WFDC1: variants seen among roughly 807,000 people sequenced by gnomAD.
WFDC1 encodes the protein WAP four-disulfide core domain protein 1.
Under a neutral mutation model 32.9 loss-of-function variants are expected in WFDC1, and 39 were observed. That is an observed-to-expected ratio of 1.19 (90% CI 0.92 to 1.55). WFDC1 has a LOEUF of 1.55. Among genes scored for constraint, WFDC1 ranks in the 40% most tolerant of loss-of-function variants. The pLI is 0.00. For missense variants in WFDC1, 386 were observed against 309.5 expected, an observed-to-expected ratio of 1.25 and a Z score of -1.85; for synonymous variants, 184 against 137.4, an observed-to-expected ratio of 1.34 and a Z score of -2.37.
intron 3 of WFDC1, 136 bp from the exon 4 acceptor site, chr16:84,319,295 G>C (rs1253433252): frequency 8.2e-7 from 1 of 1,222,166 alleles, no homozygotes; most frequent in African/African-American, 1.5e-5. Flanking sequence ...TGGAACCTGG[G>C]GTACAGAGGC....
chr16:84,319,672 C>A, intron 4 of WFDC1, 101 bp downstream of exon 4: 1 of 1,489,548 alleles, frequency 6.7e-7, no homozygotes, highest in Non-Finnish European at 9.0e-7. Flanking sequence ...AGGAAGCAGC[C>A]CCAGCACCTG....
chr16:84,321,023 G>A (rs1908275708), intron 4 of WFDC1, among the ~76,000 whole-genome samples: 1 of 152,200 alleles, frequency 6.6e-6, no homozygotes, highest in Admixed American at 6.5e-5. Context: ...AAAAGGCTTT[G>A]AAACAAAGAG....
chr16:84,325,768 A>G (rs1908556438), intron 5 of WFDC1: 1 of 151,542 alleles, frequency 6.6e-6, no homozygotes, highest in African/African-American at 2.4e-5. Flanking sequence ...CTACCCATCT[A>G]TTATTTTATC....
At chr16:84,319,647 T>C (rs1017869246) in intron 4 of WFDC1, 76 bp downstream of exon 4, 5 of 1,550,556 alleles carry the variant, frequency 3.2e-6, no homozygotes, top group Non-Finnish European at 1.7e-6. Context: ...CTCACCCGCA[T>C]GGACGACCTG....
chr16:84,319,684 G>C, intron 4 of WFDC1, 113 bp downstream of exon 4: 5 of 1,416,050 alleles, frequency 3.5e-6, no homozygotes, highest in Non-Finnish European at 4.7e-6. Flanking sequence ...CAGCACCTGG[G>C]CCTGACTGAG....
At position 84,313,005 on chromosome 16, in the gene WFDC1, A is replaced by G; in HGVS notation, c.189A>G (p.Ala63=). 1.6e-6 allele frequency: 2 copies of G among 1,269,342 alleles called. No homozygotes were observed. Among genetic ancestry groups the G allele is most frequent in the Non-Finnish European group, 2.0e-6 (2 of 1,009,220 alleles). The allele number at this position is 1,269,342 out of a possible 1,614,324, so 78.6% of individuals were successfully genotyped here. The part of the protein sequence containing the change: ...GAPGGPRQPR[A]DRCPPPPRTL... The stretch of plus-strand genomic sequence containing the variant: ...CCGGCGGCCCCCGGCAGCCCCGAGC[A>G]GACCGCTGCCCGCCGCCTCCGCGGA... The change falls in exon 2 of 7, where the codon GCA becomes GCG. Residue 63 remains alanine, a synonymous_variant. Transcript: ENST00000219454.
rs1331997959 is a variant in WFDC1, at chr16:84,319,418, GTC to G, written c.422-12_422-11del. ...GTCGGCCTTCTAGACCCCAGCGTGT[GTC>G]CCTCCTGCAGCAGAGGCGTGCAGCA... On this transcript the variant is annotated splice_polypyrimidine_tract_variant and intron_variant, in intron 3 of 6. Coordinates refer to ENST00000219454, the MANE Select transcript of WFDC1 (RefSeq NM_021197.4). 7 of 1,607,804 alleles carry G rather than the reference GTC, an allele frequency of 4.4e-6. No individual in the cohort carries two copies. The African/African-American group carries it at 9.3e-5, about 21-fold the overall frequency.
chr16:84,295,237 C>T (rs556396478), intron 1 of WFDC1, 122 bp downstream of exon 1: 26 of 1,304,202 alleles, frequency 2.0e-5, no homozygotes, highest in East Asian at 4.9e-5. Flanking sequence ...GCAAGGCAGG[C>T]GTCTTCCTAT....
chr16:84,327,107 C>T (rs1908650338), intron 6 of WFDC1, 152 bp downstream of exon 6: 1 of 696,960 alleles, frequency 1.4e-6, no homozygotes, highest in East Asian at 2.7e-5. Context: ...TAAGTCCTCA[C>T]CTAACGTCAT....
In WFDC1 at chr16:84,310,601, C is replaced by T. The variant is rs569069294; in HGVS notation, c.145-2360C>T. Among the ~76,000 whole-genome samples, 3 of 152,324 alleles carry T rather than the reference C, an allele frequency of 2.0e-5. No individual in the cohort carries two copies. In the East Asian group the frequency reaches 5.8e-4, roughly 29 times the overall value. On this transcript the variant is annotated intron_variant, in intron 1 of 6. Coordinates refer to ENST00000219454, the MANE Select transcript of WFDC1 (RefSeq NM_021197.4). ...TATTCTTCTCTCCAAAGGCACCTTT[C>T]CTAATGGTTTCTTGTGTGATCTTGT...
chr16:84,304,720 T>G (rs1173248845), intron 1 of WFDC1, among the ~76,000 whole-genome samples: 2 of 152,166 alleles, frequency 1.3e-5, no homozygotes, highest in East Asian at 3.8e-4. Flanking sequence ...GGGGTGAGTG[T>G]CCTCCTTTCT....
chr16:84,301,236 C>A (rs1284042784), intron 1 of WFDC1, among the ~76,000 whole-genome samples: 3 of 152,182 alleles, frequency 2.0e-5, no homozygotes, highest in Admixed American at 6.5e-5. Flanking sequence ...TGAAAGAATC[C>A]ACTTGTGTTG....
chr16:84,300,745 G>A (rs762922133), intron 1 of WFDC1, among the ~76,000 whole-genome samples: 13 of 152,240 alleles, frequency 8.5e-5, no homozygotes, highest in African/African-American at 1.4e-4. Context: ...CGAGGTGGGC[G>A]GATCACCCGA....
chr16:84,316,794 A>G (rs934415319), intron 2 of WFDC1: 2 of 152,202 alleles, frequency 1.3e-5, no homozygotes, highest in Middle Eastern at 3.4e-3. Context: ...CCTGGCCAAC[A>G]TGGCAAAAAC....
chr16:84,320,125 T>C (rs1190836647), intron 4 of WFDC1, among the ~76,000 whole-genome samples: 1 of 152,216 alleles, frequency 6.6e-6, no homozygotes, highest in Non-Finnish European at 1.5e-5. Context: ...TGTTTTTCAC[T>C]TTCAGTATGG....
chr16:84,311,527 C>CT (rs35243949), intron 1 of WFDC1, among the ~76,000 whole-genome samples: 55,511 of 88,550 alleles, frequency 0.63, 18,547 homozygotes, highest in East Asian at 0.93. Context: ...TGCGCCTGGA[C>CT]TTTTTTTTTT....
intron 1 of WFDC1, among the ~76,000 whole-genome samples, chr16:84,296,110 G>T (rs1036970303): frequency 6.6e-6 from 1 of 152,176 alleles, no homozygotes; most frequent in African/African-American, 2.4e-5. Flanking sequence ...TCACAGATCC[G>T]CAGGGACGGA....
chr16:84,294,975 C>A lies in WFDC1; in HGVS notation c.4C>A (p.Pro2Thr), dbSNP rs756718228. ...AAGGTCGCTGCCCAGGGAGGAAATG[C>A]CTTTAACCGGCGTGGGGCCGGGCAG... is the stretch of plus-strand genomic sequence containing the variant. The part of the protein sequence containing the change: M[P>T]LTGVGPGSCR... Residue 2 changes from proline (P) to threonine (T), a missense_variant, in exon 1 of 7, where the codon CCT becomes ACT. Transcript: ENST00000219454. The A allele has an allele frequency of 6.2e-7, 1 of 1,612,488 alleles. No individual in the cohort carries two copies. The highest frequency in any genetic ancestry group is 8.5e-7 in the Non-Finnish European group (1 of 1,179,178).
rs1193839243 is a variant in WFDC1, at chr16:84,319,510, A to G, written c.501A>G (p.Pro167=). Reference sequence around the variant, plus strand: ...GCTATGAGTGCCACATCCTGAGCCCAGGTGACGTGGCCGAAGGTATCCCCA... The same window carrying G: ...GCTATGAGTGCCACATCCTGAGCCCGGGTGACGTGGCCGAAGGTATCCCCA... The part of the protein sequence containing the change: ...PSGYECHILS[P]GDVAEGIPNR... The change falls in exon 4 of 7, where the codon CCA becomes CCG. Residue 167 remains proline, a synonymous_variant. Transcript: ENST00000219454. 2.5e-6 allele frequency: 4 copies of G among 1,612,884 alleles called. No individual in the cohort carries two copies. The highest frequency in any genetic ancestry group is 1.7e-5 in the Admixed American group (1 of 59,994).
Sources: allele counts gnomAD v4.1 joint callset (sites outside exome capture counted in the v4.1 genomes callset), GRCh38; gene constraint gnomAD v4.1.1; transcripts MANE v1.5; gene names NCBI Gene and HGNC (gene_info 2026-07-23, HGNC 2026-07-21).